Variants in BBOF1 observed in about 807,000 individuals in gnomAD.
BBOF1 encodes basal body-orientation factor 1.
In BBOF1, 62 loss-of-function variants were observed where a neutral mutation model predicts 68.0. The observed-to-expected ratio is 0.91, with a 90% CI of 0.74 to 1.13. BBOF1 has a LOEUF of 1.13. Among genes scored for constraint, BBOF1 ranks in the 50% most tolerant of loss-of-function variants. The pLI, the probability that BBOF1 is intolerant of heterozygous loss-of-function variation, is 0.00. For missense variants in BBOF1, 534 were observed against 600.1 expected (o/e 0.89, Z 1.15); for synonymous variants, 208 against 198.8 (o/e 1.05, Z -0.39).
chr14:74,065,605 G>A lies in BBOF1; in HGVS notation c.*906G>A, dbSNP rs1173902335. The A allele has an allele frequency of 2.0e-6, 1 of 501,908 alleles. No homozygotes were observed. Among genetic ancestry groups the A allele is most frequent in the Non-Finnish European group, 3.6e-6 (1 of 277,666 alleles). 31.1% of individuals were successfully genotyped at this position (501,908 alleles called of 1,614,324 possible). A position where few individuals can be genotyped will look rare whatever the true frequency, so the allele number is the denominator to read the frequency against. ...AACAATAACCACACTTCCTTTAAGG[G>A]ACTGTATCTTTAGTTCATGACCCAT... is the stretch of plus-strand genomic sequence containing the variant. On this transcript the variant is annotated 3_prime_UTR_variant, in exon 12 of 12. Coordinates refer to ENST00000394009, the MANE Select transcript of BBOF1 (RefSeq NM_025057.3).
At chr14:74,048,147 G>A in intron 7 of BBOF1, 73 bp downstream of exon 7, 7 of 1,437,110 alleles carry the variant, frequency 4.9e-6, no homozygotes, top group Non-Finnish European at 5.7e-6. Flanking sequence ...CCAAAAATTG[G>A]GTATAATAAT....
intron 1 of BBOF1, among the ~76,000 whole-genome samples, chr14:74,020,860 T>G (rs2059270786): frequency 6.6e-6 from 1 of 152,126 alleles, no homozygotes; most frequent in African/African-American, 2.4e-5. Flanking sequence ...AGTGAGACAG[T>G]GTATCACTAG....
At chr14:74,054,946 G>A (rs946365929) in intron 8 of BBOF1, 12 of 153,794 alleles carry the variant, frequency 7.8e-5, no homozygotes, top group Admixed American at 6.6e-5. Flanking sequence ...AAAGTGTTGG[G>A]TAAGCCACCG....
chr14:74,034,652 T>C (rs1305121082), intron 4 of BBOF1, among the ~76,000 whole-genome samples: 6 of 152,218 alleles, frequency 3.9e-5, no homozygotes, highest in Non-Finnish European at 7.3e-5. Flanking sequence ...CGGCTTAGAA[T>C]ATAGTTTTAT....
intron 11 of BBOF1, chr14:74,060,503 G>A (rs2060315567): frequency 2.7e-6 from 2 of 734,680 alleles, no homozygotes; most frequent in South Asian, 2.9e-5. Context: ...ACTTTGCGGG[G>A]GTTAATAGTC....
At chr14:74,062,146 G>A (rs1011993480) in intron 11 of BBOF1, among the ~76,000 whole-genome samples, 6 of 149,874 alleles carry the variant, frequency 4.0e-5, no homozygotes, top group Non-Finnish European at 7.4e-5. Flanking sequence ...CAAGTGAGCC[G>A]AGAATGCACC....
downstream of BBOF1, among the ~76,000 whole-genome samples, chr14:74,067,997 TAA>T (rs35503985): frequency 2.9e-4 from 39 of 132,910 alleles, no homozygotes; most frequent in Non-Finnish European, 2.4e-4. Context: ...AGAGCAATGT[TAA>T]AAAAAAAAAA....
intron 8 of BBOF1, among the ~76,000 whole-genome samples, chr14:74,054,452 C>G (rs186034937): frequency 8.4e-4 from 127 of 151,658 alleles, no homozygotes; most frequent in Middle Eastern, 3.4e-3. Flanking sequence ...GATCTCAGCT[C>G]ACTGCAACCT....
At chr14:74,046,210 T>C in intron 6 of BBOF1, 80 bp downstream of exon 6, 1 of 1,269,172 alleles carries the variant, frequency 7.9e-7, no homozygotes, top group Non-Finnish European at 1.1e-6. Context: ...TACTTTCTTG[T>C]CTTCCCCCTT....
At chr14:74,042,179 T>C (rs959753324) in intron 5 of BBOF1, among the ~76,000 whole-genome samples, 2 of 152,174 alleles carry the variant, frequency 1.3e-5, no homozygotes, top group African/African-American at 2.4e-5. Context: ...CTTGCTCCTA[T>C]GGGGTTTAGA....
In BBOF1 at chr14:74,049,937, A is replaced by G; in HGVS notation, c.1028A>G (p.Asn343Ser). 6.2e-7 allele frequency: 1 copy of G among 1,614,220 alleles called. No individual in the cohort carries two copies. The highest frequency in any genetic ancestry group is 8.5e-7 in the Non-Finnish European group (1 of 1,180,042). The change falls in exon 8 of 12, where the codon AAT becomes AGT. Residue 343 changes from asparagine to serine, a missense_variant. Asn to Ser is a conservative substitution (Grantham distance 46, BLOSUM62 1). Coordinates refer to ENST00000394009, the MANE Select transcript of BBOF1 (RefSeq NM_025057.3). ...CTTCAGATGAAGGACAGGGAAATGA[A>G]TCGTGTGAAGAAGCTGGCCAAGAAC... ...HLLQMKDREMNRVKKLAKNIL... is the reference protein window; with the variant it reads ...HLLQMKDREMSRVKKLAKNIL...
At chr14:74,070,277 G>T (rs28483275), downstream of BBOF1, among the ~76,000 whole-genome samples, 1 of 151,988 alleles carries the variant, frequency 6.6e-6, no homozygotes, top group African/African-American at 2.4e-5. Flanking sequence ...CCAGCACTTT[G>T]GGAGGCCGAG....
intron 1 of BBOF1, among the ~76,000 whole-genome samples, chr14:74,022,701 A>G (rs1375914139): frequency 6.6e-6 from 1 of 152,192 alleles, no homozygotes; most frequent in African/African-American, 2.4e-5. Context: ...ATACAAGTGA[A>G]TATGTATTTC....
At chr14:74,069,767 A>C (rs2060523398), downstream of BBOF1, among the ~76,000 whole-genome samples, 1 of 152,034 alleles carries the variant, frequency 6.6e-6, no homozygotes, top group African/African-American at 2.4e-5. Context: ...ACAATAAAAA[A>C]TATAAAAATA....
At chr14:74,022,392 A>T (rs1173501347) in intron 1 of BBOF1, among the ~76,000 whole-genome samples, 2 of 152,114 alleles carry the variant, frequency 1.3e-5, no homozygotes, top group Non-Finnish European at 1.5e-5. Flanking sequence ...TACAAAAAGT[A>T]CAAAAATTAG....
At chr14:74,024,361 C>T (rs1043368449) in intron 2 of BBOF1, among the ~76,000 whole-genome samples, 8 of 152,098 alleles carry the variant, frequency 5.3e-5, no homozygotes, top group African/African-American at 1.2e-4. Context: ...GAGGCTAAGG[C>T]GGGAGGATCA....
At chr14:74,069,262 C>G, downstream of BBOF1, 3 of 364,852 alleles carry the variant, frequency 8.2e-6, no homozygotes, top group Non-Finnish European at 1.6e-5. Context: ...CACCACCATG[C>G]CTGCCTAATT....
chr14:74,037,654 TTAAAAG>T (rs1232167936), intron 4 of BBOF1, among the ~76,000 whole-genome samples: 36 of 151,542 alleles, frequency 2.4e-4, no homozygotes, highest in African/African-American at 8.2e-4. Flanking sequence ...GGAGTCCTGT[TTAAAAG>T]TAATAATTTT....
chr14:74,046,125 T>G lies in BBOF1; in HGVS notation c.642T>G (p.Ala214=), dbSNP rs1402233274. 1 of 1,606,206 alleles carries G rather than the reference T, an allele frequency of 6.2e-7. No homozygotes were observed. Among genetic ancestry groups the G allele is most frequent in the Non-Finnish European group, 8.5e-7 (1 of 1,176,276 alleles). ...TAGCAGAGAGAGCCCACCATGAGGC[T>G]ATTGTGTAAGAGACTGCTGCCTACT... is the stretch of plus-strand genomic sequence containing the variant. ...IMLAERAHHE[A]IVQLNDAGRN... The change falls in exon 6 of 12, where the codon GCT becomes GCG. Residue 214 remains alanine, a synonymous_variant. Transcript: ENST00000394009.
Sources: gnomAD v4.1 joint callset for allele counts (sites outside exome capture counted in the v4.1 genomes callset) on GRCh38, gnomAD v4.1.1 for gene constraint, MANE v1.5 for transcripts, NCBI Gene and HGNC (gene_info 2026-07-23, HGNC 2026-07-21) for gene names.